The following ENPP6 variants were observed in gnomAD, a reference collection of about 807,000 sequenced individuals.
ENPP6 encodes the protein glycerophosphocholine cholinephosphodiesterase ENPP6.
Under a neutral mutation model 42.0 loss-of-function variants are expected in ENPP6, and 32 were observed. The observed-to-expected ratio is 0.76, with a 90% CI of 0.58 to 1.02. ENPP6 has a LOEUF of 1.02. Among genes scored for constraint, ENPP6 ranks in the 50% least tolerant of loss-of-function variants. ENPP6 has a pLI of 0.00. For missense variants in ENPP6, 552 were observed against 566.8 expected, an observed-to-expected ratio of 0.97 and a Z score of 0.27; for synonymous variants, 213 against 216.0, an observed-to-expected ratio of 0.99 and a Z score of 0.12.
At chr4:184,155,442 C>T (rs1378968109) in intron 1 of ENPP6, among the ~76,000 whole-genome samples, 1 of 152,108 alleles carries the variant, frequency 6.6e-6, no homozygotes, top group African/African-American at 2.4e-5. Context: ...CTCTGATGCC[C>T]TTCCAAGTGC....
intron 2 of ENPP6, among the ~76,000 whole-genome samples, chr4:184,124,830 C>T (rs1320774741): frequency 1.3e-5 from 2 of 152,166 alleles, no homozygotes; most frequent in Non-Finnish European, 2.9e-5. Context: ...CGTACCCTTG[C>T]CTGGCCCAAA....
At chr4:184,098,192 C>T (rs1735943632) in intron 6 of ENPP6, among the ~76,000 whole-genome samples, 1 of 152,182 alleles carries the variant, frequency 6.6e-6, no homozygotes, top group African/African-American at 2.4e-5. Context: ...GGTCATGTGA[C>T]CCCTCGAATG....
chr4:184,092,981 T>G (rs1268805845), intron 7 of ENPP6, among the ~76,000 whole-genome samples: 1 of 152,198 alleles, frequency 6.6e-6, no homozygotes, highest in Non-Finnish European at 1.5e-5. Flanking sequence ...GGAAAAAAGC[T>G]AAATATAGAT....
rs1051357577 is a variant in ENPP6, at chr4:184,184,425, A to T, written c.242-30692T>A. 6.6e-6 allele frequency among the ~76,000 whole-genome samples: 1 copy of T among 152,234 alleles called. No individual in the cohort carries two copies. Among genetic ancestry groups the T allele is most frequent in the African/African-American group, 2.4e-5 (1 of 41,466 alleles). ...ACTTGGTAGTAAGCTAAATAGCAGA[A>T]CCAATGCAGCTGAAAAAATAATGAA... is the stretch of plus-strand genomic sequence containing the variant. On this transcript the variant is annotated intron_variant, in intron 1 of 7. Coordinates refer to ENST00000296741, the MANE Select transcript of ENPP6 (RefSeq NM_153343.4). The surrounding 1 kb of genome is among the most constrained non-coding windows in gnomAD (Gnocchi z 4.7).
At chr4:184,114,246 G>T (rs75497506) in intron 5 of ENPP6, among the ~76,000 whole-genome samples, 1 of 152,052 alleles carries the variant, frequency 6.6e-6, no homozygotes, top group East Asian at 1.9e-4. Flanking sequence ...GATTACAGGC[G>T]TCAGCCATCG....
rs915000981 is a variant in ENPP6, at chr4:184,139,680, C to T, written c.421+13874G>A. Among the ~76,000 whole-genome samples, 11 of 89,348 alleles carry T rather than the reference C, an allele frequency of 1.2e-4. 2 individuals are homozygous for T. Among genetic ancestry groups the T allele is most frequent in the African/African-American group, 4.5e-4 (11 of 24,204 alleles). 58.6% of individuals were successfully genotyped at this position (89,348 alleles called of 152,430 possible). Reference sequence around the variant, plus strand: ...CAATCATCCATGTCCCTACAAAGGACATGAACTCATCATTTTTTATGGCTG... The same window carrying T: ...CAATCATCCATGTCCCTACAAAGGATATGAACTCATCATTTTTTATGGCTG... On this transcript the variant is annotated intron_variant, in intron 2 of 7. Transcript: ENST00000296741.
chr4:184,089,968 G>A lies in ENPP6; in HGVS notation c.*1209C>T, dbSNP rs578040410. 2 of 152,096 alleles carry A rather than the reference G, an allele frequency of 1.3e-5. No homozygotes were observed. Among genetic ancestry groups the A allele is most frequent in the African/African-American group, 4.8e-5 (2 of 41,416 alleles). 9.4% of individuals were successfully genotyped at this position (152,096 alleles called of 1,614,324 possible). A position where few individuals can be genotyped will look rare whatever the true frequency, so the allele number is the denominator to read the frequency against. The stretch of plus-strand genomic sequence containing the variant: ...GTGGCTCTTCTCAAAGGTATCAAAA[G>A]AACTTAGGTCTCAAAGGTGGTACTT... On this transcript the variant is annotated 3_prime_UTR_variant, in exon 8 of 8. Transcript: ENST00000296741.
At chr4:184,100,909 C>T (rs1479609722) in intron 6 of ENPP6, among the ~76,000 whole-genome samples, 1 of 152,178 alleles carries the variant, frequency 6.6e-6, no homozygotes, top group Non-Finnish European at 1.5e-5. Flanking sequence ...TGGAGGGCGG[C>T]TCCTTCCCCT....
rs73875339 is a variant in ENPP6 at position 184,186,970 on chromosome 4, C to T, written c.241+30609G>A. Among the ~76,000 whole-genome samples the T allele has an allele frequency of 8.7e-3, 1,321 of 152,290 alleles. 17 individuals are homozygous for T. Among genetic ancestry groups the T allele is most frequent in the African/African-American group, 0.03 (1,231 of 41,540 alleles). On this transcript the variant is annotated intron_variant, in intron 1 of 7. Coordinates refer to ENST00000296741, the MANE Select transcript of ENPP6 (RefSeq NM_153343.4). ...CTGCGCCACGACCTACAGGACCTGC[C>T]GCGGCCTCTTGTCCATTCAGGTTCT...
intron 7 of ENPP6, among the ~76,000 whole-genome samples, chr4:184,093,369 T>TACA (rs1275058050): frequency 6.6e-6 from 1 of 152,072 alleles, no homozygotes; most frequent in Non-Finnish European, 1.5e-5. Context: ...CCAGGCACAG[T>TACA]GGCTCACACC....
At chr4:184,109,982 G>T (rs762746969) in intron 6 of ENPP6, among the ~76,000 whole-genome samples, 1 of 152,190 alleles carries the variant, frequency 6.6e-6, no homozygotes, top group African/African-American at 2.4e-5. Flanking sequence ...TGGGGCGGGA[G>T]GATGTGGGGG....
intron 2 of ENPP6, among the ~76,000 whole-genome samples, chr4:184,134,179 A>G (rs1736690802): frequency 1.7e-5 from 2 of 120,886 alleles, no homozygotes; most frequent in Admixed American, 8.1e-5. Context: ...GTATCACACT[A>G]TGTTGGCCAG....
At chr4:184,215,675 C>A (rs1733184775) in intron 1 of ENPP6, among the ~76,000 whole-genome samples, 1 of 152,230 alleles carries the variant, frequency 6.6e-6, no homozygotes, top group Non-Finnish European at 1.5e-5. Context: ...ACCAAGCAGA[C>A]TTCCACATCA....
At chr4:184,094,554 T>C (rs562182277) in intron 7 of ENPP6, among the ~76,000 whole-genome samples, 27 of 152,326 alleles carry the variant, frequency 1.8e-4, no homozygotes, top group African/African-American at 5.8e-4. Flanking sequence ...AGCAAAACAA[T>C]GCCTGATCCA....
chr4:184,103,837 T>C (rs567231134), intron 6 of ENPP6, among the ~76,000 whole-genome samples: 1 of 152,278 alleles, frequency 6.6e-6, no homozygotes, highest in Non-Finnish European at 1.5e-5. Flanking sequence ...ATGTAATTGC[T>C]CAGGCCTCGG....
intron 2 of ENPP6, among the ~76,000 whole-genome samples, chr4:184,152,297 C>T (rs930683852): frequency 1.3e-5 from 2 of 152,194 alleles, no homozygotes; most frequent in Non-Finnish European, 2.9e-5. Context: ...ACACACCCAC[C>T]TCTATCCAGC....
At chr4:184,131,178 T>TG (rs1736609868) in intron 2 of ENPP6, among the ~76,000 whole-genome samples, 2 of 61,132 alleles carry the variant, frequency 3.3e-5, no homozygotes, top group Admixed American at 1.3e-4. Context: ...TCTTTCTTTC[T>TG]TTCTTTCTTT....
intron 2 of ENPP6, among the ~76,000 whole-genome samples, chr4:184,148,829 GTA>G (rs1165928425): frequency 1.3e-5 from 2 of 152,166 alleles, no homozygotes; most frequent in African/African-American, 4.8e-5. Flanking sequence ...ATAGGTATGT[GTA>G]TGTTATCACA....
At chr4:184,207,341 G>A (rs1352001852) in intron 1 of ENPP6, among the ~76,000 whole-genome samples, 2 of 152,198 alleles carry the variant, frequency 1.3e-5, no homozygotes, top group Non-Finnish European at 2.9e-5. Context: ...GCAAAATGAT[G>A]CTAAGTTACG....
Sources: allele counts gnomAD v4.1 joint callset (sites outside exome capture counted in the v4.1 genomes callset), GRCh38; gene constraint gnomAD v4.1.1; non-coding constraint Gnocchi (gnomAD v3.1); transcripts MANE v1.5; gene names NCBI Gene and HGNC (gene_info 2026-07-23, HGNC 2026-07-21).